The following ADAMTS14 variants were observed in gnomAD, a reference collection of about 807,000 sequenced individuals.
ADAMTS14 encodes the protein ADAM metallopeptidase with thrombospondin type 1 motif 14.
Under a neutral mutation model 128.6 loss-of-function variants are expected in ADAMTS14, and 100 were observed. That is an observed-to-expected ratio of 0.78 (90% confidence interval 0.66 to 0.92). The LOEUF is 0.92. Ranked by LOEUF, ADAMTS14 falls within the 40% of genes least tolerant of loss-of-function variation. The probability of loss-of-function intolerance (pLI) is 0.00; values close to 1 mark genes in which losing one functional copy is unlikely to be tolerated. For missense variants in ADAMTS14, 1,562 were observed against 1,658.6 expected (o/e 0.94, Z 1.01); for synonymous variants, 665 against 653.8 (o/e 1.02, Z -0.26).
intron 19 of ADAMTS14, among the ~76,000 whole-genome samples, chr10:70,754,930 T>A (rs1842445199): frequency 6.6e-6 from 1 of 152,160 alleles, no homozygotes; most frequent in Admixed American, 6.5e-5. Flanking sequence ...GACGAAATTG[T>A]CTTGGGTTTT....
At chr10:70,732,823 T>A (rs1412820539) in intron 7 of ADAMTS14, among the ~76,000 whole-genome samples, 1 of 152,244 alleles carries the variant, frequency 6.6e-6, no homozygotes, top group Admixed American at 6.5e-5. Context: ...CAGGTGCACT[T>A]AGAGCTTAGG....
intron 2 of ADAMTS14, among the ~76,000 whole-genome samples, chr10:70,685,010 G>A (rs367994638): frequency 1.3e-5 from 2 of 152,340 alleles, no homozygotes; most frequent in Non-Finnish European, 1.5e-5. Flanking sequence ...ACCTCACTGC[G>A]GCTCCTCCGG....
chr10:70,737,428 G>A (rs1259665060), intron 10 of ADAMTS14, among the ~76,000 whole-genome samples: 1 of 152,202 alleles, frequency 6.6e-6, no homozygotes, highest in Non-Finnish European at 1.5e-5. Flanking sequence ...GCCAACACCT[G>A]ACCAACCTCA....
At chr10:70,726,750 C>G (rs895877333) in intron 4 of ADAMTS14, among the ~76,000 whole-genome samples, 1 of 152,134 alleles carries the variant, frequency 6.6e-6, no homozygotes, top group East Asian at 1.9e-4. Context: ...CACCAGGGAG[C>G]CTATGTGTGT....
At chr10:70,719,063 G>A (rs1167180669) in intron 4 of ADAMTS14, among the ~76,000 whole-genome samples, 1 of 151,966 alleles carries the variant, frequency 6.6e-6, no homozygotes, top group Admixed American at 6.6e-5. Flanking sequence ...ACAGCTAGAG[G>A]GGATGGGGTG....
chr10:70,676,876 T>C (rs1839661770), intron 2 of ADAMTS14, among the ~76,000 whole-genome samples: 1 of 152,212 alleles, frequency 6.6e-6, no homozygotes, highest in African/African-American at 2.4e-5. Context: ...CTGAATTAGA[T>C]GGTGAATTCC....
In ADAMTS14 at chr10:70,732,148, C is replaced by G. The variant is rs988564230; in HGVS notation, c.1103-106C>G. On this transcript the variant is annotated intron_variant, in intron 6 of 21. Coordinates refer to ENST00000373207, the MANE Select transcript of ADAMTS14 (RefSeq NM_080722.4). ...CATCTGTCTTCCTCCAGGAACGTCC[C>G]CACTCCAAGCACTGACCAGAGGGCT... 7.1e-6 allele frequency: 7 copies of G among 985,214 alleles called. No individual in the cohort carries two copies. The African/African-American group carries it at 8.1e-5, about 11-fold the overall frequency. 61.0% of individuals were successfully genotyped at this position (985,214 alleles called of 1,614,324 possible).
intron 15 of ADAMTS14, among the ~76,000 whole-genome samples, chr10:70,749,261 G>A (rs997259101): frequency 3.3e-5 from 5 of 152,198 alleles, no homozygotes; most frequent in African/African-American, 7.2e-5. Context: ...AGCCTCAGTC[G>A]TGGGGCGCGG....
In ADAMTS14 at chr10:70,702,453, G is replaced by A. The variant is rs1460801513; in HGVS notation, c.664G>A (p.Asp222Asn). ...VQQEWAEPDG[D>N]LHNEAFGLGD... ...GCAGGAGTGGGCAGAACCTGACGGGGACCTGCACAATGAAGGTAGGCTGTA... is the reference window on the plus strand; with the variant it reads ...GCAGGAGTGGGCAGAACCTGACGGGAACCTGCACAATGAAGGTAGGCTGTA... Residue 222 changes from aspartate to asparagine, a missense_variant, in exon 3 of 22, where the codon GAC becomes AAC. Asp to Asn is a conservative substitution (Grantham distance 23). Transcript: ENST00000373207. 1.9e-6 allele frequency: 3 copies of A among 1,609,530 alleles called. No individual in the cohort carries two copies. Among genetic ancestry groups the A allele is most frequent in the Non-Finnish European group, 1.7e-6 (2 of 1,177,638 alleles).
intron 4 of ADAMTS14, among the ~76,000 whole-genome samples, chr10:70,721,027 T>C (rs968872702): frequency 1.9e-4 from 26 of 139,842 alleles, no homozygotes; most frequent in South Asian, 1.2e-3. Flanking sequence ...TTCTTTTTTT[T>C]TTTTTTTTTT....
intron 13 of ADAMTS14, 42 bp from the exon 14 acceptor site, chr10:70,744,024 G>T: frequency 6.5e-7 from 1 of 1,548,600 alleles, no homozygotes. Context: ...TGGCGGTGGG[G>T]GCAGGGGAGC....
chr10:70,708,301 C>T (rs1023969824), intron 3 of ADAMTS14, among the ~76,000 whole-genome samples: 32 of 152,246 alleles, frequency 2.1e-4, no homozygotes, highest in Admixed American at 1.6e-3. Context: ...GGGCCTGGGA[C>T]GCCCACAGAG....
intron 21 of ADAMTS14, among the ~76,000 whole-genome samples, 173 bp from the exon 22 acceptor site, chr10:70,760,187 G>C (rs4747073): frequency 0.56 from 85,692 of 151,886 alleles, 24,217 homozygotes; most frequent in Admixed American, 0.62. Flanking sequence ...AGTCAGGGCT[G>C]ACTCTCCCGT....
At position 70,700,423 on chromosome 10, in the gene ADAMTS14, T is replaced by C. The variant is rs556548369; in HGVS notation, c.523-1889T>C. Among the ~76,000 whole-genome samples the C allele has an allele frequency of 2.0e-5, 3 of 152,294 alleles. No homozygotes were observed. The South Asian group carries it at 6.2e-4, about 32-fold the overall frequency. ...CTGGGCTGACAGTCCCTGGGTGACC[T>C]TGTGACTCTGCCTGGATGGGACTGT... is the stretch of plus-strand genomic sequence containing the variant. On this transcript the variant is annotated intron_variant, in intron 2 of 21. Transcript: ENST00000373207.
chr10:70,745,395 TAG>T, intron 15 of ADAMTS14, 89 bp downstream of exon 15: 2 of 1,356,120 alleles, frequency 1.5e-6, no homozygotes, highest in Admixed American at 1.8e-5. Flanking sequence ...GACAAGATTC[TAG>T]TACAAGTGGA....
intron 4 of ADAMTS14, among the ~76,000 whole-genome samples, chr10:70,717,769 C>T (rs1841105297): frequency 6.6e-6 from 1 of 152,188 alleles, no homozygotes; most frequent in Non-Finnish European, 1.5e-5. Context: ...TCTGTTTCCT[C>T]TAGAAACCCT....
At chr10:70,673,264 G>GGTGTGTGT (rs144103256) in intron 1 of ADAMTS14, among the ~76,000 whole-genome samples, 4 of 123,026 alleles carry the variant, frequency 3.3e-5, no homozygotes, top group African/African-American at 1.0e-4. Context: ...GGGTGCAAGG[G>GGTGTGTGT]GTGTGTGTGT....
intron 21 of ADAMTS14, 55 bp from the exon 22 acceptor site, chr10:70,760,305 G>A: frequency 6.6e-7 from 1 of 1,505,074 alleles, no homozygotes; most frequent in Non-Finnish European, 8.8e-7. Flanking sequence ...GGGGCCACCT[G>A]ACTGACAGGC....
chr10:70,708,860 C>T, intron 4 of ADAMTS14, 82 bp downstream of exon 4: 1 of 1,132,386 alleles, frequency 8.8e-7, no homozygotes, highest in Non-Finnish European at 1.2e-6. Flanking sequence ...CAGTGCTGAT[C>T]CAAGTGGAAG....
Sources: gnomAD v4.1 joint callset for allele counts (sites outside exome capture counted in the v4.1 genomes callset) on GRCh38, gnomAD v4.1.1 for gene constraint, MANE v1.5 for transcripts, NCBI Gene and HGNC (gene_info 2026-07-23, HGNC 2026-07-21) for gene names.